CFAP77: variants seen among roughly 807,000 people sequenced by gnomAD.
The protein encoded by CFAP77 is cilia and flagella associated protein 77.
Under a neutral mutation model 31.1 loss-of-function variants are expected in CFAP77, and 25 were observed. The observed-to-expected ratio is 0.80, with a 90% CI of 0.59 to 1.12. The LOEUF (loss-of-function observed/expected upper bound fraction) is 1.12. Ranked by LOEUF, CFAP77 falls within the 50% of genes most tolerant of loss-of-function variation. CFAP77 has a pLI of 0.00. For missense variants in CFAP77, 377 were observed against 397.3 expected (o/e 0.95, Z 0.44); for synonymous variants, 151 against 159.9 (o/e 0.94, Z 0.42).
intron 1 of CFAP77, 145 bp downstream of exon 1, chr9:132,410,611 T>A: frequency 1.5e-6 from 1 of 675,580 alleles, no homozygotes; most frequent in Non-Finnish European, 2.4e-6. Context: ...CAGACAGGCC[T>A]GGACCCCCAT....
At chr9:132,449,722 T>A (rs1198776981) in intron 1 of CFAP77, among the ~76,000 whole-genome samples, 1 of 152,222 alleles carries the variant, frequency 6.6e-6, no homozygotes, top group Non-Finnish European at 1.5e-5. Flanking sequence ...AGTTACATAA[T>A]AAACGTCTGT....
intron 5 of CFAP77, among the ~76,000 whole-genome samples, chr9:132,547,419 A>G (rs7855260): frequency 0.29 from 44,613 of 152,186 alleles, 6,558 homozygotes; most frequent in Middle Eastern, 0.36. Context: ...TTAACTGCCT[A>G]TAAGTGGCAG....
At chr9:132,570,051 G>C (rs1341142540) in intron 5 of CFAP77, among the ~76,000 whole-genome samples, 3 of 152,128 alleles carry the variant, frequency 2.0e-5, no homozygotes. Flanking sequence ...CCTTTTAGGA[G>C]CCATGGGCCT....
At chr9:132,482,411 C>T (rs772249882) in intron 1 of CFAP77, 1 of 1,610,526 alleles carries the variant, frequency 6.2e-7, no homozygotes, top group Non-Finnish European at 8.5e-7. Flanking sequence ...TCAAAGGAGG[C>T]CCACAGGTGT....
rs190905517 is a variant in CFAP77 at position 132,473,206 on chromosome 9, G to A, written c.196-25489G>A. Among the ~76,000 whole-genome samples the A allele has an allele frequency of 1.2e-3, 180 of 152,222 alleles. 1 individual carries two copies. Among genetic ancestry groups the A allele is most frequent in the African/African-American group, 3.8e-3 (158 of 41,528 alleles). ...CTAAGGGACGCATTAATCTGTTCAC[G>A]AGGGATCTGCCTCCCACCCAAACAC... On this transcript the variant is annotated intron_variant, in intron 1 of 5. Transcript: ENST00000393216.
chr9:132,509,677 G>A (rs1464963780), intron 3 of CFAP77, among the ~76,000 whole-genome samples: 6 of 152,198 alleles, frequency 3.9e-5, no homozygotes, highest in African/African-American at 1.2e-4. Context: ...GCTGAGGCAC[G>A]AGAATCACTT....
intron 1 of CFAP77, among the ~76,000 whole-genome samples, chr9:132,462,355 C>G (rs910189328): frequency 6.6e-6 from 1 of 152,160 alleles, no homozygotes; most frequent in African/African-American, 2.4e-5. Flanking sequence ...TGCTGCTTCA[C>G]TCATTTATCT....
chr9:132,436,147 G>T (rs1292726753), intron 1 of CFAP77, among the ~76,000 whole-genome samples: 1 of 152,156 alleles, frequency 6.6e-6, no homozygotes, highest in Non-Finnish European at 1.5e-5. Flanking sequence ...CAGCTTCAGA[G>T]GTCAGAAGTC....
chr9:132,442,586 C>T (rs1044207666), intron 1 of CFAP77, among the ~76,000 whole-genome samples: 3 of 152,006 alleles, frequency 2.0e-5, no homozygotes, highest in Non-Finnish European at 4.4e-5. Flanking sequence ...ATTTATGCTG[C>T]ATCATTTTAC....
At chr9:132,505,072 C>T (rs533278911) in intron 3 of CFAP77, among the ~76,000 whole-genome samples, 8 of 152,284 alleles carry the variant, frequency 5.3e-5, no homozygotes, top group East Asian at 3.9e-4. Flanking sequence ...CAATTACAGA[C>T]GTGTTAAAAA....
Position 132,572,620 on chromosome 9 carries a change from C to A in CFAP77, c.*110C>A. The A allele has an allele frequency of 9.1e-7, 1 of 1,101,646 alleles. No homozygotes were observed. The allele number at this position is 1,101,646 out of a possible 1,614,324, so 68.2% of individuals were successfully genotyped here. ...TTCCCCCATTTTTATGCAGGTTCTG[C>A]TTCAAGGAGCTCAGATTCAAGTCTT... On this transcript the variant is annotated 3_prime_UTR_variant, in exon 6 of 6. Coordinates refer to ENST00000393216, the MANE Select transcript of CFAP77 (RefSeq NM_001282957.2).
At chr9:132,414,891 A>G (rs1046122080) in intron 1 of CFAP77, among the ~76,000 whole-genome samples, 4 of 152,206 alleles carry the variant, frequency 2.6e-5, no homozygotes, top group African/African-American at 9.7e-5. Flanking sequence ...CAACCACACC[A>G]TGCCCACTAA....
intron 5 of CFAP77, among the ~76,000 whole-genome samples, chr9:132,569,229 TC>T (rs1564255575): frequency 6.6e-6 from 1 of 151,752 alleles, no homozygotes; most frequent in Non-Finnish European, 1.5e-5. Flanking sequence ...ATTGAGACCC[TC>T]CCCCCATCTC....
At chr9:132,484,693 G>A (rs1323805751) in intron 1 of CFAP77, among the ~76,000 whole-genome samples, 2 of 152,070 alleles carry the variant, frequency 1.3e-5, no homozygotes, top group Non-Finnish European at 2.9e-5. Flanking sequence ...CTATGAACAC[G>A]CAGGTACATG....
At chr9:132,487,971 T>G (rs1172437227) in intron 1 of CFAP77, among the ~76,000 whole-genome samples, 1 of 152,190 alleles carries the variant, frequency 6.6e-6, no homozygotes, top group Non-Finnish European at 1.5e-5. Context: ...TACCCCCCCA[T>G]GAGCAAAATG....
chr9:132,418,068 G>T (rs1268077329), intron 1 of CFAP77, among the ~76,000 whole-genome samples: 2 of 152,234 alleles, frequency 1.3e-5, no homozygotes, highest in African/African-American at 4.8e-5. Context: ...GAGAGTCTGG[G>T]TACTAAGACC....
chr9:132,449,892 GAGTT>G (rs1339938449), intron 1 of CFAP77, among the ~76,000 whole-genome samples: 2 of 143,374 alleles, frequency 1.4e-5, no homozygotes, highest in Non-Finnish European at 3.1e-5. Context: ...GGATGATTAA[GAGTT>G]TTTTTGTTTG....
intron 1 of CFAP77, among the ~76,000 whole-genome samples, chr9:132,468,070 T>C (rs1411378286): frequency 6.6e-6 from 1 of 151,942 alleles, no homozygotes; most frequent in Non-Finnish European, 1.5e-5. Flanking sequence ...GGGCCGGGTG[T>C]GGTGGCTCAC....
At position 132,552,261 on chromosome 9, in the gene CFAP77, C is replaced by A. The variant is rs1852834875; in HGVS notation, c.732+9214C>A. On this transcript the variant is annotated intron_variant, in intron 5 of 5. Coordinates refer to ENST00000393216, the MANE Select transcript of CFAP77 (RefSeq NM_001282957.2). This position sits in a 1 kb window ranked among gnomAD's most constrained non-coding sequence, Gnocchi z 5.5. ...ACCAAGTGCAATCATGCGTGTGAAG[C>A]GCGTGGCACAGGCCTGGCTAGGGGA... 6.6e-6 allele frequency among the ~76,000 whole-genome samples: 1 copy of A among 152,182 alleles called. No homozygotes were observed.
Sources: allele counts gnomAD v4.1 joint callset (sites outside exome capture counted in the v4.1 genomes callset), GRCh38; gene constraint gnomAD v4.1.1; non-coding constraint Gnocchi (gnomAD v3.1); transcripts MANE v1.5; gene names NCBI Gene and HGNC (gene_info 2026-07-23, HGNC 2026-07-21).